The following COL4A5 variants were observed in gnomAD, a reference collection of about 807,000 sequenced individuals.
COL4A5 encodes collagen type IV alpha 5 chain.
A neutral mutation model predicts 130.2 loss-of-function variants in COL4A5; 26 were observed. The ratio of observed to expected loss-of-function variants is 0.20; its 90% CI spans 0.15 to 0.28. COL4A5 has a LOEUF of 0.28. Among genes scored for constraint, COL4A5 ranks in the 10% least tolerant of loss-of-function variants. The pLI is 1.00. For synonymous variants in COL4A5, 496 were observed against 439.6 expected (o/e 1.13, Z -1.60); for missense variants, 1,131 against 1,344.3 (o/e 0.84, Z 2.48).
intron 1 of COL4A5, among the ~76,000 whole-genome samples, chrX:108,500,389 TGA>T (rs1416451453): frequency 8.9e-6 from 1 of 112,034 alleles, no homozygotes; most frequent in African/African-American, 3.2e-5. Flanking sequence ...TTAAAATAAA[TGA>T]AAATTGTCAC....
intron 1 of COL4A5, among the ~76,000 whole-genome samples, chrX:108,501,809 A>G (rs1045812771): frequency 5.4e-5 from 6 of 112,147 alleles, no homozygotes; most frequent in African/African-American, 1.9e-4. Context: ...TTGAAAATGT[A>G]TGGAAAGCAC....
chrX:108,550,826 A>G (rs759882295), intron 2 of COL4A5, among the ~76,000 whole-genome samples: 1 of 112,169 alleles, frequency 8.9e-6, no homozygotes, highest in Non-Finnish European at 1.9e-5. Context: ...GTTTAGAAAG[A>G]TCACAGAATA....
intron 33 of COL4A5, among the ~76,000 whole-genome samples, chrX:108,623,359 T>C (rs776719351): frequency 3.5e-4 from 39 of 111,472 alleles, no homozygotes; most frequent in Non-Finnish European, 1.5e-4. Context: ...TCACTGAAAG[T>C]AGATCTAGGG....
chrX:108,652,104 C>T (rs1182807449), intron 36 of COL4A5, among the ~76,000 whole-genome samples: 1 of 111,357 alleles, frequency 9.0e-6, no homozygotes, highest in Non-Finnish European at 1.9e-5. Flanking sequence ...CCACAACCCC[C>T]CGACACAAGA....
chrX:108,468,201 C>A (rs2147502505), intron 1 of COL4A5, among the ~76,000 whole-genome samples: 1 of 111,766 alleles, frequency 8.9e-6, no homozygotes, highest in South Asian at 3.7e-4. Context: ...CCACTTGTGG[C>A]ATCTTGTTGG....
At chrX:108,566,088 G>A (rs1271906733) in intron 4 of COL4A5, among the ~76,000 whole-genome samples, 1 of 104,439 alleles carries the variant, frequency 9.6e-6, no homozygotes, top group Admixed American at 1.1e-4. Context: ...CTAATGATTT[G>A]GCACCCATGG....
Position 108,484,080 on chromosome X carries a change from T to A in COL4A5, c.81+43874T>A, listed in dbSNP as rs1445593357. Among the ~76,000 whole-genome samples, 14 of 112,389 alleles carry A rather than the reference T, an allele frequency of 1.2e-4. 1 individual carries two copies. The highest frequency in any genetic ancestry group is 1.9e-5 in the Non-Finnish European group (1 of 53,328). On this transcript the variant is annotated intron_variant, in intron 1 of 52. Transcript: ENST00000328300. ...TCTTTGGGTTTTCTATTCACTTTGC[T>A]GATAGTTTTTTTGTTTTTTGCTGTG... is the stretch of plus-strand genomic sequence containing the variant.
chrX:108,525,244 CCTCT>C (rs1250829159), intron 1 of COL4A5, among the ~76,000 whole-genome samples: 5 of 111,126 alleles, frequency 4.5e-5, no homozygotes, highest in African/African-American at 1.6e-4. Context: ...TTATAAAATT[CCTCT>C]CTCTATCTCT....
At chrX:108,552,065 G>A (rs2065761005) in intron 2 of COL4A5, among the ~76,000 whole-genome samples, 1 of 111,488 alleles carries the variant, frequency 9.0e-6, no homozygotes, top group African/African-American at 3.3e-5. Context: ...AGTGGGGGAA[G>A]ATGTTGGGGA....
At chrX:108,578,463 T>C (rs1388706837) in intron 13 of COL4A5, 80 bp downstream of exon 13, 2 of 660,234 alleles carry the variant, frequency 3.0e-6, no homozygotes, top group East Asian at 6.4e-5. Flanking sequence ...CACATCACAA[T>C]GTATATGTAT....
intron 49 of COL4A5, among the ~76,000 whole-genome samples, chrX:108,690,326 G>T (rs766572866): frequency 9.0e-6 from 1 of 111,327 alleles, no homozygotes; most frequent in Non-Finnish European, 1.9e-5. Flanking sequence ...TTTTCTTAAC[G>T]AGTTTTTGAA....
chrX:108,599,055 T>C (rs1355546768), intron 25 of COL4A5, among the ~76,000 whole-genome samples, 185 bp downstream of exon 25: 1 of 112,113 alleles, frequency 8.9e-6, no homozygotes, highest in Non-Finnish European at 1.9e-5. Flanking sequence ...AAATCTTTTC[T>C]AACTGTTTCA....
chrX:108,545,514 T>A (rs185286274), intron 2 of COL4A5, among the ~76,000 whole-genome samples: 2 of 111,726 alleles, frequency 1.8e-5, no homozygotes, highest in Admixed American at 9.5e-5. Context: ...TGCTGAGGAG[T>A]GCTTTACTTC....
intron 36 of COL4A5, among the ~76,000 whole-genome samples, chrX:108,642,379 T>C (rs2067486150): frequency 9.0e-6 from 1 of 111,060 alleles, no homozygotes; most frequent in Non-Finnish European, 1.9e-5. Flanking sequence ...CTCTCCATAC[T>C]ACCACAGCTG....
chrX:108,645,943 GTGTATA>G, intron 36 of COL4A5, among the ~76,000 whole-genome samples: 1 of 111,019 alleles, frequency 9.0e-6, no homozygotes. Flanking sequence ...GTATTCCATG[GTGTATA>G]TGTGCCACAT....
chrX:108,586,708 C>G lies in COL4A5; in HGVS notation c.1126C>G (p.Pro376Ala). The change falls in exon 19 of 53, where the codon CCT becomes GCT. Residue 376 changes from proline (P) to alanine (A), a missense_variant. Coordinates refer to ENST00000328300, the MANE Select transcript of COL4A5 (RefSeq NM_033380.3). ...TGGAGAAAAAGGAGAGCGAGGATTT[C>G]CTGGAATACAGGGTCCACCTGGCCT... Reference protein sequence around the residue: ...LPGEKGERGFPGIQGPPGLPG... With the variant: ...LPGEKGERGFAGIQGPPGLPG... The G allele has an allele frequency of 8.3e-7, 1 of 1,209,943 alleles. No homozygotes were observed. The highest frequency in any genetic ancestry group is 1.1e-6 in the Non-Finnish European group (1 of 894,385).
chrX:108,544,178 T>C (rs1289240589), intron 2 of COL4A5, among the ~76,000 whole-genome samples: 3 of 112,038 alleles, frequency 2.7e-5, no homozygotes, highest in Non-Finnish European at 5.6e-5. Flanking sequence ...GGCATCTCTG[T>C]CTTGTGCCAG....
chrX:108,588,813 A>C (rs946223677), intron 19 of COL4A5, among the ~76,000 whole-genome samples: 1 of 111,582 alleles, frequency 9.0e-6, no homozygotes, highest in Non-Finnish European at 1.9e-5. Flanking sequence ...GAGTCAGAGG[A>C]TGATAATGGA....
chrX:108,680,533 A>T (rs1402916435), intron 44 of COL4A5, 146 bp from the exon 45 acceptor site: 2 of 514,221 alleles, frequency 3.9e-6, no homozygotes, highest in Admixed American at 2.9e-5. Flanking sequence ...TTCACACAAG[A>T]TAATATAAGG....
Sources: allele counts gnomAD v4.1 joint callset (sites outside exome capture counted in the v4.1 genomes callset), GRCh38; gene constraint gnomAD v4.1.1; transcripts MANE v1.5; gene names NCBI Gene and HGNC (gene_info 2026-07-23, HGNC 2026-07-21).